The following DAB2IP variants were observed in gnomAD, a reference collection of about 807,000 sequenced individuals.
DAB2IP encodes DAB2 interacting protein.
DAB2IP carries 28 observed loss-of-function variants against 107.2 expected under a neutral mutation model. The ratio of observed to expected loss-of-function variants is 0.26; its 90% CI spans 0.19 to 0.36. The LOEUF (loss-of-function observed/expected upper bound fraction) is 0.36, where lower values mean the gene tolerates loss of function less well. DAB2IP is among the 10% of genes least tolerant of loss of function. DAB2IP has a pLI of 1.00. For synonymous variants in DAB2IP, 755 were observed against 706.4 expected (o/e 1.07, Z -1.09); for missense variants, 1,400 against 1,644.7 (o/e 0.85, Z 2.57).
In DAB2IP at chr9:121,776,516, A is replaced by G. The variant is rs973936352; in HGVS notation, c.3314+125A>G. 1.7e-6 allele frequency: 2 copies of G among 1,158,154 alleles called. No individual in the cohort carries two copies. Among genetic ancestry groups the G allele is most frequent in the African/African-American group, 1.6e-5 (1 of 63,970 alleles). 71.7% of individuals were successfully genotyped at this position (1,158,154 alleles called of 1,614,324 possible). A position where few individuals can be genotyped will look rare whatever the true frequency, so the allele number is the denominator to read the frequency against. On this transcript the variant is annotated intron_variant, in intron 14 of 15. Transcript: ENST00000408936. This position sits in a 1 kb window ranked among gnomAD's most constrained non-coding sequence, Gnocchi z 5.4. ...GCTGAATGTGGAGAGAGGAGGGAAG[A>G]GAGTGTCTGGGCAGTGGGAGCAGCG...
intron 3 of DAB2IP, among the ~76,000 whole-genome samples, chr9:121,709,656 T>A (rs1830237071): frequency 6.6e-6 from 1 of 152,192 alleles, no homozygotes; most frequent in Non-Finnish European, 1.5e-5. Context: ...GCTCATGTGC[T>A]CTGTTTCACA....
At chr9:121,694,952 A>C (rs1829346306) in intron 2 of DAB2IP, among the ~76,000 whole-genome samples, 1 of 152,126 alleles carries the variant, frequency 6.6e-6, no homozygotes, top group South Asian at 2.1e-4. Context: ...GGGCTGCTTT[A>C]ATAGAGGCAG....
At chr9:121,674,811 T>C (rs956682750) in intron 1 of DAB2IP, among the ~76,000 whole-genome samples, 2 of 152,014 alleles carry the variant, frequency 1.3e-5, no homozygotes, top group African/African-American at 4.8e-5. Context: ...GGGCACTCCA[T>C]GCACCTCTTG....
intron 6 of DAB2IP, among the ~76,000 whole-genome samples, chr9:121,762,863 CTGTG>C (rs1833993378): frequency 6.6e-6 from 1 of 152,190 alleles, no homozygotes; most frequent in South Asian, 2.1e-4. Flanking sequence ...TCCCACAACA[CTGTG>C]TGTGGGACCT....
chr9:121,569,376 C>T (rs1244220374), intron 1 of DAB2IP, among the ~76,000 whole-genome samples: 2 of 152,180 alleles, frequency 1.3e-5, no homozygotes, highest in African/African-American at 4.8e-5. Context: ...GTGTGGAAGC[C>T]CTAACCCTAT....
Position 121,699,193 on chromosome 9 carries a change from G to C in DAB2IP, c.229-132G>C. 1 of 965,554 alleles carries C rather than the reference G, an allele frequency of 1.0e-6. No individual in the cohort carries two copies. 59.8% of individuals were successfully genotyped at this position (965,554 alleles called of 1,614,324 possible). ...GGCGGCGCGGGCCGCGAGCTGCTGG[G>C]GCCGAGCCCGAGCCCGGCCCGCCCT... is the stretch of plus-strand genomic sequence containing the variant. On this transcript the variant is annotated intron_variant, in intron 2 of 15. Coordinates refer to ENST00000408936, the Ensembl canonical transcript of DAB2IP. This position sits in a 1 kb window ranked among gnomAD's most constrained non-coding sequence, Gnocchi z 6.2.
chr9:121,656,889 C>T (rs967628323), intron 1 of DAB2IP, among the ~76,000 whole-genome samples: 4 of 152,216 alleles, frequency 2.6e-5, no homozygotes, highest in Non-Finnish European at 5.9e-5. Flanking sequence ...TCCTGAGATT[C>T]ACCTTGCGAT....
At chr9:121,722,170 T>C (rs962963614) in intron 3 of DAB2IP, among the ~76,000 whole-genome samples, 3 of 152,234 alleles carry the variant, frequency 2.0e-5, no homozygotes, top group African/African-American at 7.2e-5. Flanking sequence ...TGTCGATCTC[T>C]CCGTTGTCCA....
intron 1 of DAB2IP, among the ~76,000 whole-genome samples, chr9:121,664,712 C>T (rs1010181464): frequency 2.0e-5 from 3 of 152,164 alleles, no homozygotes; most frequent in African/African-American, 7.2e-5. Context: ...GCGGAAGACA[C>T]GAGACCCCTG....
intron 3 of DAB2IP, among the ~76,000 whole-genome samples, chr9:121,704,261 TGTA>T (rs527700247): frequency 2.4e-4 from 37 of 152,208 alleles, no homozygotes; most frequent in Non-Finnish European, 5.1e-4. Flanking sequence ...ACCAAAATCC[TGTA>T]ATAATTCATA....
Position 121,651,917 on chromosome 9 carries a change from C to T in DAB2IP, c.124+18C>T. The T allele has an allele frequency of 2.9e-6, 4 of 1,370,996 alleles. No homozygotes were observed. In the Middle Eastern group the frequency reaches 5.6e-4, roughly 193 times the overall value. The allele number at this position is 1,370,996 out of a possible 1,614,324, so 84.9% of individuals were successfully genotyped here. A position where few individuals can be genotyped will look rare whatever the true frequency, so the allele number is the denominator to read the frequency against. On this transcript the variant is annotated intron_variant, in intron 1 of 15. Transcript: ENST00000408936. The surrounding 1 kb of genome is among the most constrained non-coding windows in gnomAD (Gnocchi z 5.1). ...TGCCAGGGGTAGGCGCCACCCCGAC[C>T]CCTGACCCCTAGACCCTCCTAAGGC...
intron 9 of DAB2IP, among the ~76,000 whole-genome samples, chr9:121,767,351 C>A (rs574931079): frequency 6.6e-6 from 1 of 152,212 alleles, no homozygotes; most frequent in African/African-American, 2.4e-5. Context: ...TGGTGGCGCT[C>A]AGCACTTCAG....
chr9:121,771,578 CAG>C (rs1834738311), intron 11 of DAB2IP, among the ~76,000 whole-genome samples: 1 of 152,086 alleles, frequency 6.6e-6, no homozygotes, highest in South Asian at 2.1e-4. Context: ...TGAAGACAAG[CAG>C]AGTCACATGC....
chr9:121,704,607 C>G (rs982700961), intron 3 of DAB2IP, among the ~76,000 whole-genome samples: 3 of 152,092 alleles, frequency 2.0e-5, no homozygotes, highest in Non-Finnish European at 4.4e-5. Context: ...CCTCTGCCTT[C>G]CAAGAGGTAT....
intron 1 of DAB2IP, among the ~76,000 whole-genome samples, chr9:121,646,443 C>T (rs1302120539): frequency 6.6e-6 from 1 of 152,042 alleles, no homozygotes; most frequent in Non-Finnish European, 1.5e-5. Flanking sequence ...CCAGACAGGC[C>T]ACCTCCTGGG....
chr9:121,689,709 G>A (rs976142502), intron 2 of DAB2IP, among the ~76,000 whole-genome samples: 3 of 152,216 alleles, frequency 2.0e-5, no homozygotes, highest in Admixed American at 6.5e-5. Context: ...GTGGCCCAGC[G>A]CAAACCTGAA....
intron 14 of DAB2IP, among the ~76,000 whole-genome samples, chr9:121,778,332 T>C (rs544149451): frequency 6.6e-6 from 1 of 152,336 alleles, no homozygotes; most frequent in African/African-American, 2.4e-5. Flanking sequence ...CATATGAATT[T>C]AGAAGGTGAC....
chr9:121,572,877 G>T (rs957901422), intron 1 of DAB2IP, among the ~76,000 whole-genome samples: 1 of 152,116 alleles, frequency 6.6e-6, no homozygotes, highest in African/African-American at 2.4e-5. Context: ...CAGCTCAAAA[G>T]CTCAGAACTT....
chr9:121,644,728 C>T (rs919435203), intron 1 of DAB2IP, among the ~76,000 whole-genome samples: 1 of 152,244 alleles, frequency 6.6e-6, no homozygotes, highest in African/African-American at 2.4e-5. Context: ...GACTCTTCCA[C>T]AACCTCACAA....
Sources: gnomAD v4.1 joint callset for allele counts (sites outside exome capture counted in the v4.1 genomes callset) on GRCh38, gnomAD v4.1.1 for gene constraint, Gnocchi (gnomAD v3.1) non-coding constraint, MANE v1.5 for transcripts, NCBI Gene and HGNC (gene_info 2026-07-23, HGNC 2026-07-21) for gene names.